The following GALNT17 variants were observed in gnomAD, a reference collection of about 807,000 sequenced individuals.
The protein encoded by GALNT17 is polypeptide N-acetylgalactosaminyltransferase 17.
GALNT17 carries 29 observed loss-of-function variants against 63.7 expected under a neutral mutation model. That is an observed-to-expected ratio of 0.46 (90% CI 0.34 to 0.62). The LOEUF is 0.62. Among genes scored for constraint, GALNT17 ranks in the 20% least tolerant of loss-of-function variants. GALNT17 has a pLI of 0.01. For missense variants in GALNT17, 603 were observed against 799.6 expected (o/e 0.75, Z 2.97); for synonymous variants, 305 against 318.3 (o/e 0.96, Z 0.45).
intron 5 of GALNT17, among the ~76,000 whole-genome samples, chr7:71,550,415 C>T (rs753564650): frequency 1.3e-5 from 2 of 152,102 alleles, no homozygotes; most frequent in Non-Finnish European, 2.9e-5. Flanking sequence ...GAGTCTCGCT[C>T]TGTCCCCCAG....
At chr7:71,333,960 AT>A (rs1791851890) in intron 1 of GALNT17, among the ~76,000 whole-genome samples, 1 of 152,176 alleles carries the variant, frequency 6.6e-6, no homozygotes, top group Non-Finnish European at 1.5e-5. Context: ...AGGGGTTGTC[AT>A]TTGAAGATGT....
At chr7:71,180,628 A>C (rs1788718328) in intron 1 of GALNT17, among the ~76,000 whole-genome samples, 1 of 152,174 alleles carries the variant, frequency 6.6e-6, no homozygotes, top group Non-Finnish European at 1.5e-5. Flanking sequence ...GACGTATTAA[A>C]TGGCTTGCCC....
At chr7:71,338,640 A>C (rs867825270) in intron 2 of GALNT17, among the ~76,000 whole-genome samples, 20 of 152,204 alleles carry the variant, frequency 1.3e-4, no homozygotes, top group African/African-American at 4.8e-4. Flanking sequence ...ACATAGTGTC[A>C]AGATGCTGGA....
chr7:71,609,536 T>A (rs1307251367), intron 6 of GALNT17, among the ~76,000 whole-genome samples: 1 of 152,228 alleles, frequency 6.6e-6, no homozygotes, highest in East Asian at 1.9e-4. Context: ...TTCATTTTTA[T>A]TATTTAAAAT....
chr7:71,431,159 C>A (rs1300150276), intron 5 of GALNT17, among the ~76,000 whole-genome samples: 2 of 149,870 alleles, frequency 1.3e-5, no homozygotes, highest in Admixed American at 6.6e-5. Flanking sequence ...CAATACACAT[C>A]TATTCGCTCC....
chr7:71,548,240 TCA>T (rs1789019025), intron 5 of GALNT17, among the ~76,000 whole-genome samples: 1 of 129,214 alleles, frequency 7.7e-6, no homozygotes, highest in African/African-American at 2.9e-5. Flanking sequence ...GGAGTCTGTC[TCA>T]AAAAAAAAAA....
chr7:71,536,798 G>GGC (rs1788809554), intron 5 of GALNT17, among the ~76,000 whole-genome samples: 1 of 152,160 alleles, frequency 6.6e-6, no homozygotes, highest in South Asian at 2.1e-4. Flanking sequence ...AGTTCCAAGT[G>GGC]GCTTGATGTT....
chr7:71,321,452 C>T (rs145953901), intron 1 of GALNT17, among the ~76,000 whole-genome samples: 2 of 152,290 alleles, frequency 1.3e-5, no homozygotes, highest in African/African-American at 2.4e-5. Context: ...GAGTGAGGTT[C>T]GGGCCTTTGA....
chr7:71,710,174 CAGA>C (rs1791772249), intron 9 of GALNT17, among the ~76,000 whole-genome samples: 1 of 152,108 alleles, frequency 6.6e-6, no homozygotes, highest in African/African-American at 2.4e-5. Context: ...TGTTGCTGAA[CAGA>C]AGACTAGGTC....
chr7:71,628,111 GA>G (rs138468872), intron 6 of GALNT17, among the ~76,000 whole-genome samples: 38,634 of 150,144 alleles, frequency 0.26, 5,219 homozygotes, highest in Non-Finnish European at 0.29. Flanking sequence ...AGGTGATAAT[GA>G]AAAAAAAAGG....
intron 1 of GALNT17, among the ~76,000 whole-genome samples, chr7:71,174,923 G>A (rs1012406583): frequency 1.1e-4 from 17 of 152,196 alleles, no homozygotes; most frequent in Non-Finnish European, 2.2e-4. Flanking sequence ...GGGAGCGATG[G>A]AAGGTTTATT....
chr7:71,389,156 T>C (rs535295249), intron 3 of GALNT17, among the ~76,000 whole-genome samples: 6 of 151,778 alleles, frequency 4.0e-5, no homozygotes, highest in African/African-American at 1.4e-4. Context: ...TTTTTTGAGA[T>C]GGAGTCTCGC....
chr7:71,252,566 T>C (rs959659833), intron 1 of GALNT17, among the ~76,000 whole-genome samples: 6 of 152,154 alleles, frequency 3.9e-5, no homozygotes, highest in African/African-American at 1.2e-4. Context: ...TATAAGGCTA[T>C]TTATGACGTT....
chr7:71,309,457 G>A (rs1329165838), intron 1 of GALNT17, among the ~76,000 whole-genome samples: 1 of 152,076 alleles, frequency 6.6e-6, no homozygotes, highest in Non-Finnish European at 1.5e-5. Context: ...CCTTGAGGAA[G>A]CCATGCATGC....
chr7:71,671,311 G>A (rs2117057285), intron 8 of GALNT17, among the ~76,000 whole-genome samples: 1 of 152,318 alleles, frequency 6.6e-6, no homozygotes, highest in South Asian at 2.1e-4. Context: ...CATTAGCTCT[G>A]CAATCGGGTT....
At chr7:71,690,880 G>A (rs989368166) in intron 9 of GALNT17, among the ~76,000 whole-genome samples, 1 of 152,252 alleles carries the variant, frequency 6.6e-6, no homozygotes, top group Non-Finnish European at 1.5e-5. Flanking sequence ...GTTTCTTCAC[G>A]GATAAGCAAA....
chr7:71,621,710 T>C (rs1790298525), intron 6 of GALNT17, among the ~76,000 whole-genome samples: 1 of 152,266 alleles, frequency 6.6e-6, no homozygotes, highest in African/African-American at 2.4e-5. Flanking sequence ...TTTTTTCTTC[T>C]GTTTTTGACA....
intron 1 of GALNT17, among the ~76,000 whole-genome samples, chr7:71,161,485 T>C (rs1426700071): frequency 6.6e-6 from 1 of 152,206 alleles, no homozygotes; most frequent in Non-Finnish European, 1.5e-5. Flanking sequence ...ATTACGAATA[T>C]GCTTTCCACA....
chr7:71,388,566 G>A (rs758848513), intron 3 of GALNT17, among the ~76,000 whole-genome samples, 165 bp downstream of exon 3: 8 of 151,784 alleles, frequency 5.3e-5, no homozygotes, highest in East Asian at 1.9e-4. Flanking sequence ...TTGCTGTGTC[G>A]CCCAGGCTGG....
Sources: allele counts gnomAD v4.1 joint callset (sites outside exome capture counted in the v4.1 genomes callset), GRCh38; gene constraint gnomAD v4.1.1; transcripts MANE v1.5; gene names NCBI Gene and HGNC (gene_info 2026-07-23, HGNC 2026-07-21).